The following GNAO1 variants were observed in gnomAD, a reference collection of about 807,000 sequenced individuals.
The protein encoded by GNAO1 is G protein subunit alpha o1.
For missense variants in GNAO1, 166 were observed against 478.7 expected, an observed-to-expected ratio of 0.35 and a Z score of 6.10; for synonymous variants, 164 against 180.7, an observed-to-expected ratio of 0.91 and a Z score of 0.74.
At chr16:56,256,718 C>CTGTGTGTGTG (rs199786327) in intron 2 of GNAO1, among the ~76,000 whole-genome samples, 13 of 72,302 alleles carry the variant, frequency 1.8e-4, no homozygotes, top group South Asian at 4.6e-4. Flanking sequence ...CTCTCTCTCT[C>CTGTGTGTGTG]TGTGTGTGTG....
At chr16:56,348,771 G>T (rs2037896343) in intron 6 of GNAO1, among the ~76,000 whole-genome samples, 1 of 144,080 alleles carries the variant, frequency 6.9e-6, no homozygotes, top group African/African-American at 2.7e-5. Flanking sequence ...CGCCTCCCCT[G>T]CCCTGCAGGA....
chr16:56,258,789 C>A (rs2036876807), intron 2 of GNAO1, among the ~76,000 whole-genome samples: 1 of 152,208 alleles, frequency 6.6e-6, no homozygotes, highest in African/African-American at 2.4e-5. Context: ...TCCTGCAGCT[C>A]CTCTGGGAGA....
chr16:56,317,042 T>G (rs1287461224), intron 3 of GNAO1, among the ~76,000 whole-genome samples: 1 of 152,192 alleles, frequency 6.6e-6, no homozygotes, highest in Non-Finnish European at 1.5e-5. Flanking sequence ...AGTTTCTGTC[T>G]AGGAAAAACC....
chr16:56,275,720 A>G (rs2037055681), intron 2 of GNAO1, among the ~76,000 whole-genome samples: 4 of 152,212 alleles, frequency 2.6e-5, no homozygotes, highest in Admixed American at 2.6e-4. Flanking sequence ...AGGGAATGTG[A>G]AAAGACTGCA....
chr16:56,342,267 GTCCTAGGACAC>G (rs765807578), intron 6 of GNAO1, among the ~76,000 whole-genome samples: 3 of 152,188 alleles, frequency 2.0e-5, no homozygotes, highest in Non-Finnish European at 2.9e-5. Flanking sequence ...GTCAGCTGCA[GTCCTAGGACAC>G]TCCCCAACCT....
chr16:56,262,438 G>C (rs1463425153), intron 2 of GNAO1, among the ~76,000 whole-genome samples: 1 of 152,190 alleles, frequency 6.6e-6, no homozygotes, highest in Non-Finnish European at 1.5e-5. Flanking sequence ...AAAGACAGCA[G>C]CTTTTGTGGT....
intron 2 of GNAO1, among the ~76,000 whole-genome samples, chr16:56,269,056 G>C (rs557880404): frequency 6.6e-6 from 1 of 152,148 alleles, no homozygotes; most frequent in East Asian, 1.9e-4. Flanking sequence ...GTGAAGCACT[G>C]GGCCCTGACC....
chr16:56,353,931 C>T (rs2143703375), intron 7 of GNAO1, among the ~76,000 whole-genome samples: 1 of 152,346 alleles, frequency 6.6e-6, no homozygotes, highest in African/African-American at 2.4e-5. Context: ...CAGAGGGCCC[C>T]CAGTTGGCAT....
intron 2 of GNAO1, among the ~76,000 whole-genome samples, chr16:56,260,001 A>G (rs950090501): frequency 6.6e-6 from 1 of 152,218 alleles, no homozygotes; most frequent in Non-Finnish European, 1.5e-5. Context: ...TGATAGCCAC[A>G]TAACCTTGGG....
At chr16:56,333,171 A>G (rs2143656903) in intron 4 of GNAO1, among the ~76,000 whole-genome samples, 1 of 151,852 alleles carries the variant, frequency 6.6e-6, no homozygotes, top group East Asian at 1.9e-4. Context: ...GCCAGTCAGA[A>G]CTGGGCTGGA....
rs371832233 is a variant in GNAO1 at position 56,340,736 on chromosome 16, G to A, written c.723+3876G>A. ...CCCGGTGGTGCATCCAGCCACATTGGTGGACCTTCCCTTTGCTTGTCCCGC... is the reference window on the plus strand; with the variant it reads ...CCCGGTGGTGCATCCAGCCACATTGATGGACCTTCCCTTTGCTTGTCCCGC... On this transcript the variant is annotated intron_variant, in intron 6 of 8. Transcript: ENST00000262493. 42 of 1,092,700 alleles carry A rather than the reference G, an allele frequency of 3.8e-5. No individual in the cohort carries two copies. The East Asian group carries it at 6.4e-4, about 17-fold the overall frequency. The allele number at this position is 1,092,700 out of a possible 1,614,324, so 67.7% of individuals were successfully genotyped here. A position where few individuals can be genotyped will look rare whatever the true frequency, so the allele number is the denominator to read the frequency against.
At chr16:56,264,905 G>A (rs1414464843) in intron 2 of GNAO1, among the ~76,000 whole-genome samples, 1 of 151,376 alleles carries the variant, frequency 6.6e-6, no homozygotes, top group Non-Finnish European at 1.5e-5. Context: ...ATAAATGTTC[G>A]CATACCATAC....
At chr16:56,250,463 C>T (rs1250134009) in intron 2 of GNAO1, among the ~76,000 whole-genome samples, 1 of 152,130 alleles carries the variant, frequency 6.6e-6, no homozygotes, top group Non-Finnish European at 1.5e-5. Flanking sequence ...GTGCTGATGC[C>T]AGGTTTAGTT....
Position 56,354,819 on chromosome 16 carries a change from A to G in GNAO1, c.878-47A>G, listed in dbSNP as rs760916694. The G allele has an allele frequency of 4.9e-6, 6 of 1,232,474 alleles. No homozygotes were observed. Among genetic ancestry groups the G allele is most frequent in the Middle Eastern group, 1.9e-4 (1 of 5,316 alleles). 76.3% of individuals were successfully genotyped at this position (1,232,474 alleles called of 1,614,324 possible). ...TTCATGTCCCCAGCCCTGTCCACCCACAGCGCTCATCAGGGCCTCTCCCCG... is the reference window on the plus strand; with the variant it reads ...TTCATGTCCCCAGCCCTGTCCACCCGCAGCGCTCATCAGGGCCTCTCCCCG... On this transcript the variant is annotated intron_variant, in intron 7 of 8. Transcript: ENST00000262493. This position sits in a 1 kb window ranked among gnomAD's most constrained non-coding sequence, Gnocchi z 4.3.
chr16:56,297,323 C>T (rs955074835), intron 3 of GNAO1, among the ~76,000 whole-genome samples: 4 of 152,140 alleles, frequency 2.6e-5, no homozygotes, highest in African/African-American at 7.2e-5. Context: ...CATGAGCCGG[C>T]ACCACCTTGA....
At chr16:56,329,683 A>G (rs1426602859) in intron 4 of GNAO1, among the ~76,000 whole-genome samples, 1 of 152,202 alleles carries the variant, frequency 6.6e-6, no homozygotes, top group Non-Finnish European at 1.5e-5. Flanking sequence ...GTACCCATAC[A>G]TTCAGTGGGG....
At chr16:56,309,222 G>A (rs1317589202) in intron 3 of GNAO1, among the ~76,000 whole-genome samples, 1 of 152,176 alleles carries the variant, frequency 6.6e-6, no homozygotes, top group East Asian at 1.9e-4. Flanking sequence ...GAGACCAGAA[G>A]TTACCATGAC....
intron 2 of GNAO1, among the ~76,000 whole-genome samples, chr16:56,266,003 C>T (rs2143496073): frequency 6.6e-6 from 1 of 152,264 alleles, no homozygotes; most frequent in East Asian, 1.9e-4. Flanking sequence ...TGCGTTCTTC[C>T]TCACCAATAT....
intron 2 of GNAO1, among the ~76,000 whole-genome samples, chr16:56,257,791 G>T (rs1348665817): frequency 1.3e-5 from 2 of 152,218 alleles, no homozygotes; most frequent in Non-Finnish European, 2.9e-5. Context: ...AACTGACTCT[G>T]TGAAGGAGTC....
Sources: gnomAD v4.1 joint callset for allele counts (sites outside exome capture counted in the v4.1 genomes callset) on GRCh38, gnomAD v4.1.1 for gene constraint, Gnocchi (gnomAD v3.1) non-coding constraint, MANE v1.5 for transcripts, NCBI Gene and HGNC (gene_info 2026-07-23, HGNC 2026-07-21) for gene names.